EFNA5: variants seen among roughly 807,000 people sequenced by gnomAD.
The protein encoded by EFNA5 is ephrin-A5.
A neutral mutation model predicts 22.9 loss-of-function variants in EFNA5; 5 were observed. The observed-to-expected ratio is 0.22, with a 90% CI of 0.11 to 0.46. The LOEUF (loss-of-function observed/expected upper bound fraction) is 0.46. Ranked by LOEUF, EFNA5 falls within the 20% of genes least tolerant of loss-of-function variation. The pLI is 0.99. For synonymous variants in EFNA5, 113 were observed against 112.2 expected (o/e 1.01, Z -0.04); for missense variants, 237 against 293.3 (o/e 0.81, Z 1.40).
Position 107,670,858 on chromosome 5 carries a change from G to A in EFNA5, c.-245C>T, listed in dbSNP as rs1751186045. 2 of 503,550 alleles carry A rather than the reference G, an allele frequency of 4.0e-6. No homozygotes were observed. Among genetic ancestry groups the A allele is most frequent in the Non-Finnish European group, 3.5e-6 (1 of 285,928 alleles). 31.2% of individuals were successfully genotyped at this position (503,550 alleles called of 1,614,324 possible). A position where few individuals can be genotyped will look rare whatever the true frequency, so the allele number is the denominator to read the frequency against. On this transcript the variant is annotated 5_prime_UTR_variant, in exon 1 of 5. Coordinates refer to ENST00000333274, the MANE Select transcript of EFNA5 (RefSeq NM_001962.3). ...GACAAACTCGCACCCCCACTGGAGGGTTCAGGAGGAAAAAGGAATCACAAG... is the reference window on the plus strand; with the variant it reads ...GACAAACTCGCACCCCCACTGGAGGATTCAGGAGGAAAAAGGAATCACAAG...
At chr5:107,482,866 CTCTCTA>C (rs1450344114) in intron 1 of EFNA5, among the ~76,000 whole-genome samples, 499 of 43,170 alleles carry the variant, frequency 0.012, 2 homozygotes, top group East Asian at 0.023. Context: ...CTCTCTCTCT[CTCTCTA>C]TATATATATA....
chr5:107,496,531 C>T (rs914115867), intron 1 of EFNA5, among the ~76,000 whole-genome samples: 4 of 151,082 alleles, frequency 2.6e-5, no homozygotes, highest in Non-Finnish European at 4.4e-5. Context: ...CTTATCACAA[C>T]GCTACCTACA....
intron 1 of EFNA5, among the ~76,000 whole-genome samples, chr5:107,611,607 A>G (rs2112521196): frequency 6.6e-6 from 1 of 152,246 alleles, no homozygotes; most frequent in South Asian, 2.1e-4. Context: ...TTTCTCTTTG[A>G]GGATTCTGGG....
intron 1 of EFNA5, among the ~76,000 whole-genome samples, chr5:107,478,385 C>T (rs1355952705): frequency 6.6e-6 from 1 of 152,170 alleles, no homozygotes; most frequent in East Asian, 1.9e-4. Context: ...TTAGCAACAA[C>T]AAATACTGCC....
chr5:107,607,163 A>C lies in EFNA5; in HGVS notation c.125+63326T>G, dbSNP rs139997393. Among the ~76,000 whole-genome samples, 957 of 152,372 alleles carry C rather than the reference A, an allele frequency of 6.3e-3. 9 individuals are homozygous for C. Among genetic ancestry groups the C allele is most frequent in the African/African-American group, 0.022 (904 of 41,588 alleles). ...CAGTGAAAGCCAATATGAAGTGTAT[A>C]TCCTAAAAGAGATTGTCTGCAAATA... is the stretch of plus-strand genomic sequence containing the variant. On this transcript the variant is annotated intron_variant, in intron 1 of 4. Coordinates refer to ENST00000333274, the MANE Select transcript of EFNA5 (RefSeq NM_001962.3).
chr5:107,601,003 T>C (rs1375172743), intron 1 of EFNA5, among the ~76,000 whole-genome samples: 1 of 152,172 alleles, frequency 6.6e-6, no homozygotes, highest in East Asian at 1.9e-4. Flanking sequence ...ATCAAGTTCT[T>C]GTTACCTTCA....
intron 1 of EFNA5, among the ~76,000 whole-genome samples, chr5:107,509,559 C>T (rs1256769475): frequency 1.1e-4 from 16 of 150,656 alleles, no homozygotes; most frequent in African/African-American, 3.9e-4. Context: ...TCTTGAACTC[C>T]TGACCTCGTG....
At chr5:107,530,271 A>G (rs1362494465) in intron 1 of EFNA5, among the ~76,000 whole-genome samples, 1 of 152,216 alleles carries the variant, frequency 6.6e-6, no homozygotes, top group Non-Finnish European at 1.5e-5. Flanking sequence ...GTCATGCCAG[A>G]GAGGGAGAAG....
chr5:107,544,132 T>G (rs1748101744), intron 1 of EFNA5, among the ~76,000 whole-genome samples: 1 of 152,068 alleles, frequency 6.6e-6, no homozygotes, highest in South Asian at 2.1e-4. Flanking sequence ...GGAGGGAGAT[T>G]TAGAATGGAT....
chr5:107,481,827 G>T (rs1463841442), intron 1 of EFNA5, among the ~76,000 whole-genome samples: 2 of 147,844 alleles, frequency 1.4e-5, no homozygotes, highest in African/African-American at 5.1e-5. Context: ...TGCAGCCTGG[G>T]TGGTAGAGCG....
intron 4 of EFNA5, 76 bp downstream of exon 4, chr5:107,387,159 A>C: frequency 9.6e-7 from 1 of 1,036,842 alleles, no homozygotes; most frequent in Non-Finnish European, 1.4e-6. Flanking sequence ...CATGCAGAGA[A>C]GAAGAAAGGA....
intron 1 of EFNA5, among the ~76,000 whole-genome samples, chr5:107,534,669 T>G (rs945354826): frequency 6.6e-6 from 1 of 152,178 alleles, no homozygotes; most frequent in African/African-American, 2.4e-5. Flanking sequence ...CAGGCAGAAG[T>G]GCCAAACCTT....
intron 1 of EFNA5, among the ~76,000 whole-genome samples, chr5:107,626,152 A>G (rs949449853): frequency 2.0e-5 from 3 of 152,228 alleles, no homozygotes; most frequent in Non-Finnish European, 2.9e-5. Flanking sequence ...TCCTAGTCCA[A>G]TTAAAATGTG....
intron 2 of EFNA5, among the ~76,000 whole-genome samples, chr5:107,396,937 G>C (rs1747942264): frequency 6.6e-6 from 1 of 152,132 alleles, no homozygotes; most frequent in Non-Finnish European, 1.5e-5. Context: ...GCTGGGTGTT[G>C]AGACTGCTTT....
intron 2 of EFNA5, among the ~76,000 whole-genome samples, chr5:107,397,788 C>A (rs776602938): frequency 6.6e-6 from 1 of 152,084 alleles, no homozygotes; most frequent in Non-Finnish European, 1.5e-5. Flanking sequence ...AGGAGGGAGT[C>A]GTTAGATACC....
At chr5:107,560,108 A>C (rs1748504189) in intron 1 of EFNA5, among the ~76,000 whole-genome samples, 1 of 152,214 alleles carries the variant, frequency 6.6e-6, no homozygotes, top group Admixed American at 6.5e-5. Context: ...ATGCTCCAAC[A>C]CTGAAGATTC....
intron 1 of EFNA5, among the ~76,000 whole-genome samples, chr5:107,590,970 G>C (rs1459949150): frequency 1.3e-5 from 2 of 152,290 alleles, no homozygotes; most frequent in South Asian, 2.1e-4. Context: ...GTCAAGAGGG[G>C]AGTGTATGTG....
Position 107,631,998 on chromosome 5 carries a change from T to C in EFNA5, c.125+38491A>G, listed in dbSNP as rs149485707. Among the ~76,000 whole-genome samples, 1,510 of 152,354 alleles carry C rather than the reference T, an allele frequency of 9.9e-3. 20 individuals are homozygous for C. Among genetic ancestry groups the C allele is most frequent in the South Asian group, 0.045 (219 of 4,832 alleles). ...GGAGATTCTTGCAACAGACAGATGC[T>C]GGCCACACTTCACAGCCTTCCAGCC... On this transcript the variant is annotated intron_variant, in intron 1 of 4. Coordinates refer to ENST00000333274, the MANE Select transcript of EFNA5 (RefSeq NM_001962.3).
intron 1 of EFNA5, among the ~76,000 whole-genome samples, chr5:107,540,053 G>T (rs574914924): frequency 1.6e-4 from 24 of 152,056 alleles, no homozygotes; most frequent in Non-Finnish European, 2.4e-4. Context: ...TTGTTCTAAA[G>T]GATTCTAAGA....
Sources: gnomAD v4.1 joint callset for allele counts (sites outside exome capture counted in the v4.1 genomes callset) on GRCh38, gnomAD v4.1.1 for gene constraint, MANE v1.5 for transcripts, NCBI Gene and HGNC (gene_info 2026-07-23, HGNC 2026-07-21) for gene names.